The following SHISA5 variants were observed in gnomAD, a reference collection of about 807,000 sequenced individuals.
The protein encoded by SHISA5 is shisa family member 5, also known as protein shisa-5.
SHISA5 carries 21 observed loss-of-function variants against 27.5 expected under a neutral mutation model. That is an observed-to-expected ratio of 0.76 (90% CI 0.54 to 1.10). SHISA5 has a LOEUF of 1.10. Ranked by LOEUF, SHISA5 falls within the 50% of genes least tolerant of loss-of-function variation. The pLI is 0.00. For missense variants in SHISA5, 314 were observed against 336.3 expected (o/e 0.93, Z 0.52); for synonymous variants, 137 against 142.2 (o/e 0.96, Z 0.26).
At chr3:48,482,679 A>G (rs1441786165) in intron 2 of SHISA5, among the ~76,000 whole-genome samples, 1 of 151,650 alleles carries the variant, frequency 6.6e-6, no homozygotes, top group East Asian at 1.9e-4. Flanking sequence ...CTTGTCGCCC[A>G]GGCTGGAGTG....
At chr3:48,503,234 G>A in intron 1 of SHISA5, 1 of 1,216,828 alleles carries the variant, frequency 8.2e-7, no homozygotes, top group South Asian at 1.3e-5. Flanking sequence ...TGAGTCCATG[G>A]CACAAATGCT....
Position 48,469,068 on chromosome 3 carries a change from CAACAT to C in SHISA5, c.*34_*38del. On this transcript the variant is annotated 3_prime_UTR_variant, in exon 6 of 6. Coordinates refer to ENST00000296444, the MANE Select transcript of SHISA5 (RefSeq NM_016479.6). The surrounding 1 kb of genome is among the most constrained non-coding windows in gnomAD (Gnocchi z 4.6). ...CCTGCACACCACTCACGCACACACACAACATAACCAAGTGGCAGCCAGAGAGGCCA... is the reference window on the plus strand; with the variant it reads ...CCTGCACACCACTCACGCACACACACAACCAAGTGGCAGCCAGAGAGGCCA... 6.2e-7 allele frequency: 1 copy of C among 1,611,692 alleles called. No homozygotes were observed. Among genetic ancestry groups the C allele is most frequent in the Non-Finnish European group, 8.5e-7 (1 of 1,179,980 alleles).
In SHISA5 at chr3:48,469,072, A is replaced by G. The variant is rs1288009643; in HGVS notation, c.*35T>C. On this transcript the variant is annotated 3_prime_UTR_variant, in exon 6 of 6. Coordinates refer to ENST00000296444, the MANE Select transcript of SHISA5 (RefSeq NM_016479.6). This position sits in a 1 kb window ranked among gnomAD's most constrained non-coding sequence, Gnocchi z 4.6. ...CACACCACTCACGCACACACACAACATAACCAAGTGGCAGCCAGAGAGGCC... is the reference window on the plus strand; with the variant it reads ...CACACCACTCACGCACACACACAACGTAACCAAGTGGCAGCCAGAGAGGCC... 1 of 1,611,814 alleles carries G rather than the reference A, an allele frequency of 6.2e-7. No homozygotes were observed. The highest frequency in any genetic ancestry group is 8.5e-7 in the Non-Finnish European group (1 of 1,179,956).
intron 3 of SHISA5, among the ~76,000 whole-genome samples, chr3:48,476,426 G>A (rs2040828312): frequency 6.6e-6 from 1 of 152,150 alleles, no homozygotes; most frequent in Admixed American, 6.6e-5. Flanking sequence ...GGGGTCAGTG[G>A]CAGAGAGTGG....
chr3:48,484,735 T>C (rs2041142270), intron 2 of SHISA5, among the ~76,000 whole-genome samples: 1 of 147,236 alleles, frequency 6.8e-6, no homozygotes, highest in Non-Finnish European at 1.5e-5. Flanking sequence ...CTACTAAAAA[T>C]ACAAAAAATT....
chr3:48,487,288 T>G (rs900595090), intron 2 of SHISA5, among the ~76,000 whole-genome samples: 1 of 152,206 alleles, frequency 6.6e-6, no homozygotes, highest in African/African-American at 2.4e-5. Flanking sequence ...TGCCTCCATT[T>G]ATTTAGGGCT....
Position 48,468,733 on chromosome 3 carries a change from C to A in SHISA5, c.*374G>T, listed in dbSNP as rs2040455191. ...CGCCACCCTGGTGTGACAGGCCCTA[C>A]TTGGTCACCCTAGGGTAAGCTGGAG... On this transcript the variant is annotated 3_prime_UTR_variant, in exon 6 of 6. Transcript: ENST00000296444. 1 of 1,331,064 alleles carries A rather than the reference C, an allele frequency of 7.5e-7. No individual in the cohort carries two copies. Among genetic ancestry groups the A allele is most frequent in the Non-Finnish European group, 9.8e-7 (1 of 1,017,362 alleles). The allele number at this position is 1,331,064 out of a possible 1,614,324, so 82.5% of individuals were successfully genotyped here. A position where few individuals can be genotyped will look rare whatever the true frequency, so the allele number is the denominator to read the frequency against.
Position 48,469,639 on chromosome 3 carries a change from C to T in SHISA5, c.431-66G>A. ...CAGGTCTTGAGAGCCAGGCTTGCCA[C>T]CCATCCCTCCAGCTTAGCCAAAGCA... On this transcript the variant is annotated intron_variant, in intron 4 of 5. Transcript: ENST00000296444. This position sits in a 1 kb window ranked among gnomAD's most constrained non-coding sequence, Gnocchi z 4.6. 1 of 1,593,572 alleles carries T rather than the reference C, an allele frequency of 6.3e-7. No individual in the cohort carries two copies. The highest frequency in any genetic ancestry group is 8.6e-7 in the Non-Finnish European group (1 of 1,168,852).
At chr3:48,500,880 C>T (rs1004271531) in intron 2 of SHISA5, among the ~76,000 whole-genome samples, 1 of 152,112 alleles carries the variant, frequency 6.6e-6, no homozygotes, top group African/African-American at 2.4e-5. Flanking sequence ...AGGCCAAGGA[C>T]CTCTAAGAAA....
chr3:48,503,995 G>A (rs778858258), intron 1 of SHISA5, 24 bp downstream of exon 1: 6 of 1,458,534 alleles, frequency 4.1e-6, no homozygotes, highest in East Asian at 6.0e-5. Flanking sequence ...AGGGCAGGAC[G>A]GGCCGCCCCC....
At chr3:48,477,164 T>A in intron 3 of SHISA5, 1 of 423,318 alleles carries the variant, frequency 2.4e-6, no homozygotes, top group Non-Finnish European at 4.6e-6. Context: ...CTCCTTTTTT[T>A]TGTTGTTGCA....
At chr3:48,491,001 G>C (rs2041403992) in intron 2 of SHISA5, among the ~76,000 whole-genome samples, 1 of 152,122 alleles carries the variant, frequency 6.6e-6, no homozygotes, top group African/African-American at 2.4e-5. Flanking sequence ...TTTGTCTTTA[G>C]ACAAACTCAA....
At chr3:48,486,140 T>C (rs1485549134) in intron 2 of SHISA5, among the ~76,000 whole-genome samples, 4 of 146,176 alleles carry the variant, frequency 2.7e-5, no homozygotes, top group Admixed American at 2.2e-4. Flanking sequence ...AATGTGATGT[T>C]AGGCACACAA....
intron 2 of SHISA5, among the ~76,000 whole-genome samples, chr3:48,498,629 G>A (rs566106499): frequency 6.0e-5 from 9 of 149,296 alleles, no homozygotes; most frequent in East Asian, 2.0e-4. Flanking sequence ...GGAGGTTGCC[G>A]TGAGATGAGA....
intron 2 of SHISA5, among the ~76,000 whole-genome samples, chr3:48,492,266 C>G (rs934394768): frequency 2.1e-5 from 3 of 144,044 alleles, no homozygotes; most frequent in Non-Finnish European, 4.5e-5. Context: ...GTCAGGAGAT[C>G]AAGACCATCC....
Position 48,470,599 on chromosome 3 carries a change from T to C in SHISA5, c.315-756A>G, listed in dbSNP as rs2040573194. 6.6e-6 allele frequency among the ~76,000 whole-genome samples: 1 copy of C among 152,166 alleles called. No individual in the cohort carries two copies. The highest frequency in any genetic ancestry group is 2.4e-5 in the African/African-American group (1 of 41,434). Reference sequence around the variant, plus strand: ...GCAGGAGGCCAGAGGGCCTGCCCTTTGAGAAAGCAGGCCCTGGGCTGGGAA... The same window carrying C: ...GCAGGAGGCCAGAGGGCCTGCCCTTCGAGAAAGCAGGCCCTGGGCTGGGAA... On this transcript the variant is annotated intron_variant, in intron 3 of 5. Coordinates refer to ENST00000296444, the MANE Select transcript of SHISA5 (RefSeq NM_016479.6). The surrounding 1 kb of genome is among the most constrained non-coding windows in gnomAD (Gnocchi z 4.3).
At chr3:48,499,932 AG>A (rs1421083973) in intron 2 of SHISA5, among the ~76,000 whole-genome samples, 1 of 148,466 alleles carries the variant, frequency 6.7e-6, no homozygotes, top group African/African-American at 2.5e-5. Context: ...AAGACCTGTC[AG>A]GAACCCTCAG....
In SHISA5 at chr3:48,467,952, C is replaced by T; in HGVS notation, c.*1155G>A. ...ACACAACAGATTTGAGCTAAGACAG[C>T]TCTGGTGAAACAGTAATAGAGGGAG... On this transcript the variant is annotated 3_prime_UTR_variant, in exon 6 of 6. Transcript: ENST00000296444. 1 of 298,052 alleles carries T rather than the reference C, an allele frequency of 3.4e-6. No individual in the cohort carries two copies. Among genetic ancestry groups the T allele is most frequent in the South Asian group, 5.3e-5 (1 of 18,764 alleles). 18.5% of individuals were successfully genotyped at this position (298,052 alleles called of 1,614,324 possible).
Position 48,468,360 on chromosome 3 carries a change from C to T in SHISA5, c.*747G>A. 1 of 1,061,756 alleles carries T rather than the reference C, an allele frequency of 9.4e-7. No individual in the cohort carries two copies. Among genetic ancestry groups the T allele is most frequent in the South Asian group, 3.0e-5 (1 of 33,062 alleles). 65.8% of individuals were successfully genotyped at this position (1,061,756 alleles called of 1,614,324 possible). A position where few individuals can be genotyped will look rare whatever the true frequency, so the allele number is the denominator to read the frequency against. On this transcript the variant is annotated 3_prime_UTR_variant, in exon 6 of 6. Coordinates refer to ENST00000296444, the MANE Select transcript of SHISA5 (RefSeq NM_016479.6). The stretch of plus-strand genomic sequence containing the variant: ...CAGGGCCAGCAAGGGCAGCAGAGCT[C>T]CCTGGGGGCAGCTAGGCTGTGTGTG...
Sources: gnomAD v4.1 joint callset for allele counts (sites outside exome capture counted in the v4.1 genomes callset) on GRCh38, gnomAD v4.1.1 for gene constraint, Gnocchi (gnomAD v3.1) non-coding constraint, MANE v1.5 for transcripts, NCBI Gene and HGNC (gene_info 2026-07-23, HGNC 2026-07-21) for gene names.